Variants in ARHGAP33 observed in about 807,000 individuals in gnomAD.
ARHGAP33 encodes the protein rho GTPase-activating protein 33.
In ARHGAP33, 57 loss-of-function variants were observed where a neutral mutation model predicts 126.2. The observed-to-expected ratio is 0.45, with a 90% confidence interval of 0.36 to 0.56. The LOEUF is 0.56. Ranked by LOEUF, ARHGAP33 falls within the 20% of genes least tolerant of loss-of-function variation. The probability of loss-of-function intolerance (pLI) is 0.00; values close to 1 mark genes in which losing one functional copy is unlikely to be tolerated. For missense variants in ARHGAP33, 1,500 were observed against 1,748.3 expected (o/e 0.86, Z 2.53); for synonymous variants, 711 against 755.0 (o/e 0.94, Z 0.95).
chr19:35,778,463 G>C lies in ARHGAP33; in HGVS notation c.271-1G>C. ...TCCCTTCTGTCCCTCTGCTCCCACA[G>C]GGCCGTTCCTGGCCGGTTCTCCGGA... On this transcript the variant is annotated splice_acceptor_variant, in intron 4 of 20. Coordinates refer to ENST00000007510, the MANE Select transcript of ARHGAP33 (RefSeq NM_001366178.1). LOFTEE classifies it high-confidence loss of function. 1 of 1,614,168 alleles carries C rather than the reference G, an allele frequency of 6.2e-7. No individual in the cohort carries two copies. Among genetic ancestry groups the C allele is most frequent in the Non-Finnish European group, 8.5e-7 (1 of 1,180,030 alleles).
intron 5 of ARHGAP33, 46 bp from the exon 6 acceptor site, chr19:35,778,986 C>T: frequency 1.4e-6 from 2 of 1,469,594 alleles, no homozygotes; most frequent in Non-Finnish European, 1.9e-6. Context: ...GCAGTGGGCT[C>T]TCTCACGTCC....
Position 35,778,574 on chromosome 19 carries a change from G to C in ARHGAP33, c.381G>C (p.Pro127=). 1.2e-6 allele frequency: 2 copies of C among 1,613,844 alleles called. No individual in the cohort carries two copies. The highest frequency in any genetic ancestry group is 1.3e-5 in the African/African-American group (1 of 75,020). The part of the protein sequence containing the change: ...RRFSCLPELP[P]PPEGARAAQM... The stretch of plus-strand genomic sequence containing the variant: ...TCTCCTGCCTTCCGGAGCTTCCCCC[G>C]CCCCCCGAGGGTGCCAGGGCTGCCC... Residue 127 remains proline (P), a synonymous_variant, in exon 5 of 21, where the codon CCG becomes CCC. Coordinates refer to ENST00000007510, the MANE Select transcript of ARHGAP33 (RefSeq NM_001366178.1).
Position 35,786,466 on chromosome 19 carries a change from C to T in ARHGAP33, c.1996C>T (p.Pro666Ser). 1.3e-6 allele frequency: 2 copies of T among 1,535,902 alleles called. No individual in the cohort carries two copies. Among genetic ancestry groups the T allele is most frequent in the South Asian group, 1.2e-5 (1 of 84,060 alleles). The change falls in exon 20 of 21, where the codon CCT becomes TCT. Residue 666 changes from proline (P) to serine (S), a missense_variant. By Grantham distance (74) the Pro-to-Ser change is moderately conservative. Transcript: ENST00000007510. This position sits in a 1 kb window ranked among gnomAD's most constrained non-coding sequence, Gnocchi z 7.0. ...ACCCCACTCCAGCAGCGACGCTTTC[C>T]CTGTGGGCCCAGCACCTGCTGGCTC... ...RRPHSSSDAFPVGPAPAGSCE... is the reference protein window; with the variant it reads ...RRPHSSSDAFSVGPAPAGSCE...
chr19:35,781,182 A>C lies in ARHGAP33; in HGVS notation c.1015A>C (p.Ile339Leu). The change falls in exon 12 of 21, where the codon ATT (isoleucine) becomes CTT (leucine). Residue 339 changes from isoleucine to leucine, a missense_variant. Physicochemically the swap from Ile to Leu is conservative, Grantham distance 5. Coordinates refer to ENST00000007510, the MANE Select transcript of ARHGAP33 (RefSeq NM_001366178.1). ...GGTGCTGCGCTGCTGCTCCGAGTTCATTGAGGCCCACGGGGTGGTGGATGG... is the reference window on the plus strand; with the variant it reads ...GGTGCTGCGCTGCTGCTCCGAGTTCCTTGAGGCCCACGGGGTGGTGGATGG... ...PQVLRCCSEF[I>L]EAHGVVDGIY... 1 of 1,611,566 alleles carries C rather than the reference A, an allele frequency of 6.2e-7. No individual in the cohort carries two copies. The highest frequency in any genetic ancestry group is 8.5e-7 in the Non-Finnish European group (1 of 1,179,612).
rs771965246 is a variant in ARHGAP33 at position 35,787,322 on chromosome 19, G to A, written c.2757G>A (p.Glu919=). 4 of 1,612,364 alleles carry A rather than the reference G, an allele frequency of 2.5e-6. No homozygotes were observed. The Admixed American group carries it at 5.0e-5, about 20-fold the overall frequency. ...TGGCCGAGCAACAGAGCCAGCAGGAGTGTGGGGGCACCCCACCTGCTTCCC... is the reference window on the plus strand; with the variant it reads ...TGGCCGAGCAACAGAGCCAGCAGGAATGTGGGGGCACCCCACCTGCTTCCC... ...QQVAEQQSQQ[E]CGGTPPASQS... The change falls in exon 21 of 21, where the codon GAG becomes GAA. Residue 919 remains glutamate, a synonymous_variant. Transcript: ENST00000007510.
At chr19:35,785,591 T>G in intron 19 of ARHGAP33, 108 bp downstream of exon 19, 3 of 1,534,392 alleles carry the variant, frequency 2.0e-6, no homozygotes, top group Non-Finnish European at 2.6e-6. Context: ...TTGGGGGCCC[T>G]GGGGCTTTTG....
At chr19:35,785,916 G>C in intron 19 of ARHGAP33, 3 of 1,069,118 alleles carry the variant, frequency 2.8e-6, no homozygotes, top group Non-Finnish European at 3.4e-6. Flanking sequence ...CTCAGTTCTA[G>C]CCATTTTGGA....
intron 16 of ARHGAP33, 152 bp from the exon 17 acceptor site, chr19:35,784,801 C>T (rs983634540): frequency 4.4e-6 from 6 of 1,373,206 alleles, no homozygotes; most frequent in Admixed American, 3.5e-5. Context: ...TGCCTGCTGC[C>T]CGCCTGCTCC....
chr19:35,780,226 C>T lies in ARHGAP33; in HGVS notation c.517C>T (p.Arg173Trp), dbSNP rs1381739583. The T allele has an allele frequency of 1.2e-6, 2 of 1,613,810 alleles. No individual in the cohort carries two copies. Among genetic ancestry groups the T allele is most frequent in the Admixed American group, 3.3e-5 (2 of 59,982 alleles). Residue 173 changes from arginine (R) to tryptophan (W), a missense_variant, in exon 7 of 21, where the codon CGG becomes TGG. By Grantham distance (101) the Arg-to-Trp change is moderately radical. This residue lies in a region of ARHGAP33 where 75 missense variants were observed against 152.7 expected (regional missense o/e 0.49). Transcript: ENST00000007510. ...LTWMELDNHGRRLLLSEEASL... is the reference protein window; with the variant it reads ...LTWMELDNHGWRLLLSEEASL... ...TCTATTTCAGCTGGACAATCACGGC[C>T]GGCGACTGCTCCTCAGTGAGGAGGC...
At chr19:35,780,116 G>A in intron 6 of ARHGAP33, 95 bp from the exon 7 acceptor site, 1 of 1,520,396 alleles carries the variant, frequency 6.6e-7, no homozygotes, top group Non-Finnish European at 9.0e-7. Context: ...CTTGACGGGG[G>A]CGGGCAGTGG....
chr19:35,779,440 C>T (rs947979334), intron 6 of ARHGAP33, among the ~76,000 whole-genome samples: 1 of 151,690 alleles, frequency 6.6e-6, no homozygotes, highest in Non-Finnish European at 1.5e-5. Context: ...GGTTTTTTTT[C>T]TTTTCTTGAG....
rs531603509 is a variant in ARHGAP33 at position 35,782,060 on chromosome 19, C to A, written c.1086-313C>A. Reference sequence around the variant, plus strand: ...GTCCACATTTTCCAGTGCCCTCTTACAGCCAGGAGAATGGCAGCTGCATGG... The same window carrying A: ...GTCCACATTTTCCAGTGCCCTCTTAAAGCCAGGAGAATGGCAGCTGCATGG... On this transcript the variant is annotated intron_variant, in intron 12 of 20. Transcript: ENST00000007510. The surrounding 1 kb of genome is among the most constrained non-coding windows in gnomAD (Gnocchi z 4.1). 6.6e-6 allele frequency among the ~76,000 whole-genome samples: 1 copy of A among 152,302 alleles called. No individual in the cohort carries two copies. The highest frequency in any genetic ancestry group is 2.4e-5 in the African/African-American group (1 of 41,564).
chr19:35,778,499 CTT>C lies in ARHGAP33; in HGVS notation c.308_309del (p.Phe103SerfsTer13), dbSNP rs748317877. 1 of 1,614,232 alleles carries C rather than the reference CTT, an allele frequency of 6.2e-7. No homozygotes were observed. Among genetic ancestry groups the C allele is most frequent in the Non-Finnish European group, 8.5e-7 (1 of 1,180,040 alleles). ...GGCCGGTTCTCCGGAGTTACGATGA[CTT>C]TCGTTCCCTGGATGCCCACCTCCAC... ...SWPVLRSYDD[F>X]RSLDAHLHRC... On this transcript the variant is annotated frameshift_variant, in exon 5 of 21. Transcript: ENST00000007510. LOFTEE classifies it high-confidence loss of function.
Position 35,787,607 on chromosome 19 carries a change from G to A in ARHGAP33, c.3042G>A (p.Glu1014=), listed in dbSNP as rs777077032. The A allele has an allele frequency of 6.2e-6, 10 of 1,605,328 alleles. No homozygotes were observed. The African/African-American group carries it at 1.2e-4, about 19-fold the overall frequency. The stretch of plus-strand genomic sequence containing the variant: ...GTGGCGGGGGCAGGGATGCGCCAGA[G>A]GCAGCAGCCCAGTCCCCATGTTCTG... ...RAGGGGRDAP[E]AAAQSPCSVP... Residue 1014 remains glutamate, a synonymous_variant, in exon 21 of 21, where the codon GAG becomes GAA. Transcript: ENST00000007510.
intron 16 of ARHGAP33, 182 bp downstream of exon 16, chr19:35,784,499 T>C (rs1971986777): frequency 2.3e-6 from 3 of 1,308,074 alleles, no homozygotes; most frequent in Admixed American, 4.2e-5. Context: ...TTTCAGCTCC[T>C]CCGCTCAGGA....
chr19:35,786,970 C>A lies in ARHGAP33; in HGVS notation c.2500C>A (p.Pro834Thr), dbSNP rs748646415. The change falls in exon 20 of 21, where the codon CCC (proline) becomes ACC (threonine). Residue 834 changes from proline to threonine, a missense_variant. Physicochemically the swap from Pro to Thr is conservative, Grantham distance 38 (BLOSUM62 -1). Coordinates refer to ENST00000007510, the MANE Select transcript of ARHGAP33 (RefSeq NM_001366178.1). The surrounding 1 kb of genome is among the most constrained non-coding windows in gnomAD (Gnocchi z 7.0). Reference sequence around the variant, plus strand: ...TCTCAGCCCCGGCCGGAGCCTGCGCCCCCATCTCATACCCCTGCTGCTGCG... The same window carrying A: ...TCTCAGCCCCGGCCGGAGCCTGCGCACCCATCTCATACCCCTGCTGCTGCG... ...PALSPGRSLR[P>T]HLIPLLLRGA... 5.0e-6 allele frequency: 8 copies of A among 1,610,918 alleles called. No homozygotes were observed. Among genetic ancestry groups the A allele is most frequent in the East Asian group, 2.2e-5 (1 of 44,840 alleles).
Position 35,788,553 on chromosome 19 carries a change from T to C in ARHGAP33, c.*124T>C. On this transcript the variant is annotated 3_prime_UTR_variant, in exon 21 of 21. Coordinates refer to ENST00000007510, the MANE Select transcript of ARHGAP33 (RefSeq NM_001366178.1). ...ACCCCAGGTTTCTAACTTTGTAACT[T>C]GCTTCTGATGTGGGTCCCTAACCTA... is the stretch of plus-strand genomic sequence containing the variant. 2.3e-6 allele frequency: 2 copies of C among 876,314 alleles called. No individual in the cohort carries two copies. Among genetic ancestry groups the C allele is most frequent in the African/African-American group, 3.5e-5 (2 of 57,062 alleles). 54.3% of individuals were successfully genotyped at this position (876,314 alleles called of 1,614,324 possible). A position where few individuals can be genotyped will look rare whatever the true frequency, so the allele number is the denominator to read the frequency against.
chr19:35,788,677 G>A lies in ARHGAP33; in HGVS notation c.*248G>A, dbSNP rs542824986. The A allele has an allele frequency of 2.6e-5, 12 of 466,492 alleles. No homozygotes were observed. The highest frequency in any genetic ancestry group is 2.4e-4 in the African/African-American group (12 of 48,988). The allele number at this position is 466,492 out of a possible 1,614,324, so 28.9% of individuals were successfully genotyped here. A position where few individuals can be genotyped will look rare whatever the true frequency, so the allele number is the denominator to read the frequency against. On this transcript the variant is annotated 3_prime_UTR_variant, in exon 21 of 21. Transcript: ENST00000007510. ...CACAAATCTGGGGTGGGAGGGGCTAGGCTGACCCCATCCTCCTCTCCCTCC... is the reference window on the plus strand; with the variant it reads ...CACAAATCTGGGGTGGGAGGGGCTAAGCTGACCCCATCCTCCTCTCCCTCC...
chr19:35,778,529 G>A lies in ARHGAP33; in HGVS notation c.336G>A (p.Arg112=), dbSNP rs774463935. 13 of 1,614,052 alleles carry A rather than the reference G, an allele frequency of 8.1e-6. No homozygotes were observed. Among genetic ancestry groups the A allele is most frequent in the Admixed American group, 1.7e-5 (1 of 60,010 alleles). The change falls in exon 5 of 21, where the codon CGG becomes CGA. Residue 112 remains arginine, a synonymous_variant. Transcript: ENST00000007510. ...GTTCCCTGGATGCCCACCTCCACCG[G>A]TGCATATTTGACCGGAGGTTCTCCT... is the stretch of plus-strand genomic sequence containing the variant. ...DFRSLDAHLH[R]CIFDRRFSCL... is the part of the protein sequence containing the mutation.
Sources: allele counts gnomAD v4.1 joint callset (sites outside exome capture counted in the v4.1 genomes callset), GRCh38; gene constraint gnomAD v4.1.1; regional missense constraint gnomAD v4.1.1; non-coding constraint Gnocchi (gnomAD v3.1); transcripts MANE v1.5; gene names NCBI Gene and HGNC (gene_info 2026-07-23, HGNC 2026-07-21).